ABCA4: variants seen among roughly 807,000 people sequenced by gnomAD.
ABCA4 encodes the protein retinal-specific phospholipid-transporting ATPase ABCA4.
In ABCA4, 196 loss-of-function variants were observed where a neutral mutation model predicts 263.7. That is an observed-to-expected ratio of 0.74 (90% CI 0.66 to 0.84). The LOEUF is 0.84. Ranked by LOEUF, ABCA4 falls within the 40% of genes least tolerant of loss-of-function variation. The pLI, the probability that ABCA4 is intolerant of heterozygous loss-of-function variation, is 0.00. For missense variants in ABCA4, 2,792 were observed against 2,855.1 expected (o/e 0.98, Z 0.50); for synonymous variants, 1,133 against 1,094.2 (o/e 1.04, Z -0.70).
chr1:94,094,098 G>A (rs1246379357), intron 6 of ABCA4, among the ~76,000 whole-genome samples: 1 of 152,192 alleles, frequency 6.6e-6, no homozygotes, highest in Admixed American at 6.5e-5. Flanking sequence ...ATGACATCAA[G>A]TCATTAGTGG....
chr1:94,042,204 A>G (rs1660510018), intron 22 of ABCA4, among the ~76,000 whole-genome samples: 1 of 151,988 alleles, frequency 6.6e-6, no homozygotes, highest in Admixed American at 6.5e-5. Flanking sequence ...GTGTGAGTAG[A>G]GCAAGGGGGA....
At position 94,037,173 on chromosome 1, in the gene ABCA4, A is replaced by G; in HGVS notation, c.3785T>C (p.Phe1262Ser). The G allele has an allele frequency of 6.2e-7, 1 of 1,614,230 alleles. No homozygotes were observed. Among genetic ancestry groups the G allele is most frequent in the South Asian group, 1.1e-5 (1 of 91,086 alleles). ...TTCCAGGGGAGTGTCAGAAATTCCA[A>G]AACTGCTGAGACCAAGGTCAGCCAG... ...ETLADLGLSSFGISDTPLEEI... is the reference protein window; with the variant it reads ...ETLADLGLSSSGISDTPLEEI... The change falls in exon 25 of 50, where the codon TTT (phenylalanine) becomes TCT (serine). Residue 1262 changes from phenylalanine to serine, a missense_variant. Coordinates refer to ENST00000370225, the MANE Select transcript of ABCA4 (RefSeq NM_000350.3).
chr1:94,021,823 A>C (rs377172633), intron 33 of ABCA4, 23 bp downstream of exon 33: 39 of 1,613,246 alleles, frequency 2.4e-5, no homozygotes, highest in Middle Eastern at 3.3e-4. Context: ...AATCCTACTC[A>C]AATCTCCAGT....
chr1:94,005,527 C>T lies in ABCA4; in HGVS notation c.6061G>A (p.Asp2021Asn). 6.2e-7 allele frequency: 1 copy of T among 1,614,126 alleles called. No homozygotes were observed. The highest frequency in any genetic ancestry group is 8.5e-7 in the Non-Finnish European group (1 of 1,179,994). ...CCTGTGAGCAGCTCATCAATTGCAT[C>T]AAACTGAGGACAGTAGCCCATATTT... ...HQNMGYCPQF[D>N]AIDELLTGRE... The change falls in exon 44 of 50, where the codon GAT becomes AAT. Residue 2021 changes from aspartate to asparagine, a missense_variant. Transcript: ENST00000370225.
rs772881159 is a variant in ABCA4, at chr1:94,008,761, T to A, written c.5825A>T (p.Glu1942Val). ...TACCCATTCCCTTACCTTGGTTAGT[T>A]CATGTAGCCTTAAGATGTCAGTTTT... The part of the protein sequence containing the change: ...GNKTDILRLH[E>V]LTKIYPGTSS... Residue 1942 changes from glutamate to valine, a missense_variant, in exon 41 of 50, where the codon GAA (glutamate) becomes GTA (valine). By Grantham distance (121) the Glu-to-Val change is moderately radical. Transcript: ENST00000370225. The A allele has an allele frequency of 6.2e-7, 1 of 1,614,098 alleles. No individual in the cohort carries two copies. The highest frequency in any genetic ancestry group is 1.1e-5 in the South Asian group (1 of 91,072).
At chr1:94,096,770 G>C (rs1162108805) in intron 6 of ABCA4, among the ~76,000 whole-genome samples, 2 of 152,226 alleles carry the variant, frequency 1.3e-5, no homozygotes, top group African/African-American at 4.8e-5. Flanking sequence ...GTCCTGGGAG[G>C]TAAATTTACC....
intron 15 of ABCA4, 59 bp from the exon 16 acceptor site, chr1:94,055,374 C>A: frequency 6.4e-7 from 1 of 1,551,802 alleles, no homozygotes; most frequent in Non-Finnish European, 8.9e-7. Context: ...AATGCAACAG[C>A]ACCCAGATGC....
chr1:94,029,317 T>A, intron 30 of ABCA4, 128 bp downstream of exon 30: 2 of 940,284 alleles, frequency 2.1e-6, no homozygotes. Context: ...GCAGGGAGTT[T>A]GGTTTAGTCC....
chr1:94,034,731 T>A lies in ABCA4; in HGVS notation c.3862+2009A>T, dbSNP rs141665166. 5.7e-3 allele frequency among the ~76,000 whole-genome samples: 860 copies of A among 151,846 alleles called. 8 individuals are homozygous for A. The highest frequency in any genetic ancestry group is 7.4e-3 in the Non-Finnish European group (505 of 67,960). The stretch of plus-strand genomic sequence containing the variant: ...AACCCTCCAACCTCTGTGAGCTCAG[T>A]TCCCCCCAGATGGGGCAGACCCCTG... On this transcript the variant is annotated intron_variant, in intron 26 of 49. Transcript: ENST00000370225.
chr1:94,062,695 C>T lies in ABCA4; in HGVS notation c.1819G>A (p.Gly607Arg), dbSNP rs61749412. The T allele has an allele frequency of 1.7e-5, 28 of 1,614,146 alleles. No homozygotes were observed. The highest frequency in any genetic ancestry group is 8.0e-5 in the African/African-American group (6 of 75,016). The change falls in exon 13 of 50, where the codon GGG (glycine) becomes AGG (arginine). Residue 607 changes from glycine (G) to arginine (R), a missense_variant. Coordinates refer to ENST00000370225, the MANE Select transcript of ABCA4 (RefSeq NM_000350.3). ...PVEDFRYIWGGFAYLQDMVEQ... is the reference protein window; with the variant it reads ...PVEDFRYIWGRFAYLQDMVEQ... ...ACCATGTCCTGCAGATAGGCAAACCCGCCCCAGATGTACCGGAAATCTTCC... is the reference window on the plus strand; with the variant it reads ...ACCATGTCCTGCAGATAGGCAAACCTGCCCCAGATGTACCGGAAATCTTCC...
In ABCA4 at chr1:94,111,401, A is replaced by T. The variant is rs369835802; in HGVS notation, c.302+37T>A. ...ATTTCAGCACGTGAAGGGGTGTGCA[A>T]CTTCCTCCCCTGCATGGTAGGGATC... On this transcript the variant is annotated intron_variant, in intron 3 of 49. Coordinates refer to ENST00000370225, the MANE Select transcript of ABCA4 (RefSeq NM_000350.3). The T allele has an allele frequency of 1.2e-5, 20 of 1,611,158 alleles. No homozygotes were observed. The African/African-American group carries it at 2.7e-4, about 22-fold the overall frequency.
intron 49 of ABCA4, among the ~76,000 whole-genome samples, chr1:93,993,736 C>T (rs1658929264): frequency 6.6e-6 from 1 of 151,998 alleles, no homozygotes; most frequent in Non-Finnish European, 1.5e-5. Context: ...GGATATTAGG[C>T]TCCAGATCAA....
In ABCA4 at chr1:94,021,283, G is replaced by T. The variant is rs149324169; in HGVS notation, c.4975C>A (p.Gln1659Lys). The change falls in exon 35 of 50, where the codon CAA becomes AAA. Residue 1659 changes from glutamine (Q) to lysine (K), a missense_variant. By Grantham distance (53) the Gln-to-Lys change is moderately conservative. Transcript: ENST00000370225. ...PEEYGITVISQPLNLTKEQLS... is the reference protein window; with the variant it reads ...PEEYGITVISKPLNLTKEQLS... ...TGCTCCTTGGTCAGGTTCAGGGGTT[G>T]GCTAATGACGGTGATTCCATACTCC... is the stretch of plus-strand genomic sequence containing the variant. The T allele has an allele frequency of 6.2e-7, 1 of 1,614,094 alleles. No individual in the cohort carries two copies. The highest frequency in any genetic ancestry group is 1.1e-5 in the South Asian group (1 of 91,090).
chr1:94,117,011 TTTCTTTCTTTCTTTCC>T (rs1370974562), intron 1 of ABCA4, among the ~76,000 whole-genome samples: 10 of 137,664 alleles, frequency 7.3e-5, no homozygotes, highest in African/African-American at 2.1e-4. Context: ...TCTTTCTTTC[TTTCTTTCTTTCTTTCC>T]TTTTCTTTCT....
chr1:94,084,941 C>T (rs567454798), intron 6 of ABCA4, among the ~76,000 whole-genome samples: 4 of 152,328 alleles, frequency 2.6e-5, no homozygotes, highest in South Asian at 2.1e-4. Context: ...CCAAGTCCTG[C>T]CCGTCCTCCC....
intron 38 of ABCA4, among the ~76,000 whole-genome samples, chr1:94,013,299 C>T (rs1178746784): frequency 6.6e-6 from 1 of 152,094 alleles, no homozygotes; most frequent in Non-Finnish European, 1.5e-5. Context: ...TCGTTACTTG[C>T]CTAGCAGCCA....
intron 26 of ABCA4, among the ~76,000 whole-genome samples, chr1:94,035,158 T>C (rs998848391): frequency 1.3e-5 from 2 of 152,238 alleles, no homozygotes; most frequent in African/African-American, 4.8e-5. Context: ...GTGTAATTTA[T>C]TCTCCTGAGA....
rs574083062 is a variant in ABCA4, at chr1:94,013,696, AG to A, written c.5460+846del. Among the ~76,000 whole-genome samples the A allele has an allele frequency of 4.3e-3, 659 of 152,270 alleles. 4 individuals carry two copies. The highest frequency in any genetic ancestry group is 0.015 in the African/African-American group (627 of 41,554). On this transcript the variant is annotated intron_variant, in intron 38 of 49. Coordinates refer to ENST00000370225, the MANE Select transcript of ABCA4 (RefSeq NM_000350.3). ...TCAGTTTGGCCATCTGTCTCTGGAC[AG>A]GGGGAGGTCAGGTGGAAGGGACAAC...
chr1:94,009,015 C>T (rs1659476873), intron 40 of ABCA4, 144 bp from the exon 41 acceptor site: 1 of 1,210,438 alleles, frequency 8.3e-7, no homozygotes, highest in African/African-American at 1.5e-5. Context: ...AAAAGGGCTC[C>T]CAGCAGGAGA....
Sources: gnomAD v4.1 joint callset for allele counts (sites outside exome capture counted in the v4.1 genomes callset) on GRCh38, gnomAD v4.1.1 for gene constraint, MANE v1.5 for transcripts, NCBI Gene and HGNC (gene_info 2026-07-23, HGNC 2026-07-21) for gene names.